The following DPY19L3 variants were observed in gnomAD, a reference collection of about 807,000 sequenced individuals.
DPY19L3 encodes the protein protein C-mannosyl-transferase DPY19L3.
In DPY19L3, 51 loss-of-function variants were observed where a neutral mutation model predicts 92.3. The observed-to-expected ratio is 0.55, with a 90% CI of 0.44 to 0.70. DPY19L3 has a LOEUF of 0.70. Ranked by LOEUF, DPY19L3 falls within the 30% of genes least tolerant of loss-of-function variation. The pLI is 0.00. For synonymous variants in DPY19L3, 309 were observed against 315.2 expected, an observed-to-expected ratio of 0.98 and a Z score of 0.21; for missense variants, 706 against 855.9, an observed-to-expected ratio of 0.82 and a Z score of 2.18.
chr19:32,458,056 C>A, intron 10 of DPY19L3, 44 bp from the exon 11 acceptor site: 1 of 1,459,162 alleles, frequency 6.9e-7, no homozygotes, highest in Non-Finnish European at 9.5e-7. Flanking sequence ...GGAAACCGTG[C>A]CTAAAGGACT....
In DPY19L3 at chr19:32,463,506, G is replaced by A. The variant is rs1176412534; in HGVS notation, c.1445+18G>A. The stretch of plus-strand genomic sequence containing the variant: ...ACAATGAGGTATTTTTGTCTTACCT[G>A]TTTGTTTACTTTTTATTTGATCACT... On this transcript the variant is annotated intron_variant, in intron 13 of 18. Transcript: ENST00000392250. 1.2e-6 allele frequency: 2 copies of A among 1,604,940 alleles called. No individual in the cohort carries two copies. The highest frequency in any genetic ancestry group is 1.7e-6 in the Non-Finnish European group (2 of 1,175,310).
At chr19:32,447,775 A>AGATTGATTGATT (rs1555721948) in intron 8 of DPY19L3, among the ~76,000 whole-genome samples, 7 of 127,006 alleles carry the variant, frequency 5.5e-5, no homozygotes, top group African/African-American at 2.2e-4. Flanking sequence ...ATAGATAGAT[A>AGATTGATTGATT]GATTAGATAA....
chr19:32,471,159 G>A lies in DPY19L3; in HGVS notation c.1697+2346G>A, dbSNP rs777387672. 5.3e-5 allele frequency among the ~76,000 whole-genome samples: 8 copies of A among 152,144 alleles called. No individual in the cohort carries two copies. In the East Asian group the frequency reaches 5.8e-4, roughly 11 times the overall value. On this transcript the variant is annotated intron_variant, in intron 16 of 18. Transcript: ENST00000392250. Reference sequence around the variant, plus strand: ...ACCTCACTGCTTTGATTAGTCACACGGTATCCATGTTATTAGCAAGTATGA... The same window carrying A: ...ACCTCACTGCTTTGATTAGTCACACAGTATCCATGTTATTAGCAAGTATGA...
chr19:32,431,359 C>T (rs1187451778), intron 3 of DPY19L3, among the ~76,000 whole-genome samples: 2 of 144,168 alleles, frequency 1.4e-5, no homozygotes, highest in Non-Finnish European at 3.0e-5. Context: ...GCCTGGGCAA[C>T]GAGTGAAACT....
chr19:32,427,481 T>C (rs1419100792), intron 3 of DPY19L3, among the ~76,000 whole-genome samples: 3 of 152,244 alleles, frequency 2.0e-5, no homozygotes, highest in African/African-American at 4.8e-5. Flanking sequence ...GTTATTCTTA[T>C]TTACTTGATA....
At chr19:32,460,364 T>G (rs146266370) in intron 12 of DPY19L3, among the ~76,000 whole-genome samples, 1 of 152,144 alleles carries the variant, frequency 6.6e-6, no homozygotes, top group African/African-American at 2.4e-5. Context: ...TGAACTATAA[T>G]TGCACCATTG....
At chr19:32,407,518 C>T (rs923193896) in intron 1 of DPY19L3, among the ~76,000 whole-genome samples, 6 of 152,178 alleles carry the variant, frequency 3.9e-5, no homozygotes, top group African/African-American at 7.2e-5. Context: ...GACCTACTAC[C>T]GCCTATGGAA....
rs1970720347 is a variant in DPY19L3 at position 32,483,139 on chromosome 19, T to C, written c.*899T>C. Reference sequence around the variant, plus strand: ...TTTAGCCTTTGTATTTTTTACAGCCTAGAATCTTGCAAAGTCTGAATATTT... The same window carrying C: ...TTTAGCCTTTGTATTTTTTACAGCCCAGAATCTTGCAAAGTCTGAATATTT... On this transcript the variant is annotated 3_prime_UTR_variant, in exon 19 of 19. Transcript: ENST00000392250. 1 of 152,250 alleles carries C rather than the reference T, an allele frequency of 6.6e-6. No homozygotes were observed. The highest frequency in any genetic ancestry group is 6.5e-5 in the Admixed American group (1 of 15,292). 9.4% of individuals were successfully genotyped at this position (152,250 alleles called of 1,614,324 possible).
chr19:32,461,427 C>T (rs1186163646), intron 12 of DPY19L3, among the ~76,000 whole-genome samples: 1 of 152,230 alleles, frequency 6.6e-6, no homozygotes, highest in African/African-American at 2.4e-5. Flanking sequence ...GCAGACTTCT[C>T]TTAGGTATCT....
chr19:32,460,551 CTA>C (rs1295481244), intron 12 of DPY19L3, among the ~76,000 whole-genome samples: 3 of 152,180 alleles, frequency 2.0e-5, no homozygotes, highest in African/African-American at 7.2e-5. Context: ...TTACCATACA[CTA>C]TTGTAGACTT....
intron 3 of DPY19L3, 22 bp from the exon 4 acceptor site, chr19:32,432,694 A>G (rs760804061): frequency 1.9e-6 from 3 of 1,609,216 alleles, no homozygotes; most frequent in South Asian, 1.1e-5. Flanking sequence ...ACATAAACCC[A>G]TAGGATCTAA....
chr19:32,423,758 T>C (rs531443297), intron 3 of DPY19L3, among the ~76,000 whole-genome samples: 1 of 152,280 alleles, frequency 6.6e-6, no homozygotes, highest in South Asian at 2.1e-4. Flanking sequence ...CTCATGCCTG[T>C]CATCCCAGCA....
intron 3 of DPY19L3, among the ~76,000 whole-genome samples, chr19:32,418,788 A>G (rs1968462984): frequency 2.0e-5 from 3 of 152,298 alleles, no homozygotes; most frequent in South Asian, 4.1e-4. Flanking sequence ...ACTTTGAAGT[A>G]GTTGTAATTA....
chr19:32,453,639 G>A (rs923247138), intron 9 of DPY19L3, among the ~76,000 whole-genome samples: 2 of 152,064 alleles, frequency 1.3e-5, no homozygotes, highest in African/African-American at 2.4e-5. Context: ...TGTTGGGAGC[G>A]TGTTCATTAC....
At chr19:32,479,723 G>A (rs1874758198) in intron 17 of DPY19L3, 7 of 336,584 alleles carry the variant, frequency 2.1e-5, no homozygotes. Context: ...GGGACGCTCA[G>A]TTTGCATCCA....
chr19:32,422,365 T>C (rs1968600234), intron 3 of DPY19L3, among the ~76,000 whole-genome samples: 1 of 152,126 alleles, frequency 6.6e-6, no homozygotes, highest in Non-Finnish European at 1.5e-5. Context: ...AAATATGAAC[T>C]GGCAGACTTT....
At chr19:32,417,504 A>G (rs1335410298) in intron 3 of DPY19L3, among the ~76,000 whole-genome samples, 1 of 152,036 alleles carries the variant, frequency 6.6e-6, no homozygotes, top group African/African-American at 2.4e-5. Flanking sequence ...TATTTTTAGT[A>G]GAGATGGGAT....
intron 3 of DPY19L3, among the ~76,000 whole-genome samples, chr19:32,430,375 C>T (rs946166276): frequency 6.6e-6 from 1 of 151,860 alleles, no homozygotes; most frequent in Non-Finnish European, 1.5e-5. Flanking sequence ...GAGTGAGACC[C>T]TGTCTCCAAA....
intron 2 of DPY19L3, 64 bp from the exon 3 acceptor site, chr19:32,411,175 T>A: frequency 1.3e-6 from 2 of 1,512,560 alleles, no homozygotes; most frequent in South Asian, 2.5e-5. Context: ...TAATCTGAAG[T>A]AGAACTATTA....
Sources: gnomAD v4.1 joint callset for allele counts (sites outside exome capture counted in the v4.1 genomes callset) on GRCh38, gnomAD v4.1.1 for gene constraint, MANE v1.5 for transcripts, NCBI Gene and HGNC (gene_info 2026-07-23, HGNC 2026-07-21) for gene names.